The following RBM6 variants were observed in gnomAD, a reference collection of about 807,000 sequenced individuals.
The protein encoded by RBM6 is RNA binding motif protein 6.
Under a neutral mutation model 140.4 loss-of-function variants are expected in RBM6, and 23 were observed. The ratio of observed to expected loss-of-function variants is 0.16; its 90% CI spans 0.12 to 0.23. The LOEUF is 0.23. Among genes scored for constraint, RBM6 ranks in the 10% least tolerant of loss-of-function variants. The probability of loss-of-function intolerance (pLI) is 1.00; values close to 1 mark genes in which losing one functional copy is unlikely to be tolerated. For missense variants in RBM6, 1,139 were observed against 1,386.7 expected (o/e 0.82, Z 2.84); for synonymous variants, 439 against 475.6 (o/e 0.92, Z 1.00).
chr3:49,972,659 C>G (rs974263044), intron 4 of RBM6, among the ~76,000 whole-genome samples: 1 of 152,164 alleles, frequency 6.6e-6, no homozygotes, highest in African/African-American at 2.4e-5. Flanking sequence ...AATATAATCA[C>G]TCTAAATATT....
chr3:49,960,787 A>C (rs545488384), intron 1 of RBM6, among the ~76,000 whole-genome samples: 26 of 152,284 alleles, frequency 1.7e-4, no homozygotes, highest in African/African-American at 6.3e-4. Flanking sequence ...TGGGGTTGAT[A>C]CTACAGTGCT....
intron 16 of RBM6, 78 bp downstream of exon 16, chr3:50,065,204 G>C (rs1423544744): frequency 9.4e-7 from 1 of 1,062,538 alleles, no homozygotes; most frequent in Non-Finnish European, 1.4e-6. Context: ...CGCAAAGGCT[G>C]ATGCCTTCCT....
intron 6 of RBM6, among the ~76,000 whole-genome samples, chr3:50,040,730 C>T (rs2108856272): frequency 6.6e-6 from 1 of 150,914 alleles, no homozygotes; most frequent in South Asian, 2.1e-4. Flanking sequence ...GAGCTTGGCT[C>T]ACTGCAGCCT....
At chr3:49,982,564 G>A (rs908561014) in intron 5 of RBM6, among the ~76,000 whole-genome samples, 36 of 151,460 alleles carry the variant, frequency 2.4e-4, no homozygotes, top group Non-Finnish European at 4.6e-4. Context: ...ACAGGCACCC[G>A]CCACCACGCC....
intron 7 of RBM6, among the ~76,000 whole-genome samples, chr3:50,049,204 G>A (rs1236964122): frequency 6.6e-6 from 1 of 151,812 alleles, no homozygotes; most frequent in Non-Finnish European, 1.5e-5. Context: ...TGCCACCCGG[G>A]TTCAAACGAT....
intron 6 of RBM6, among the ~76,000 whole-genome samples, chr3:50,024,100 TAAAC>T (rs1467200870): frequency 6.6e-6 from 1 of 152,226 alleles, no homozygotes; most frequent in Non-Finnish European, 1.5e-5. Context: ...TAGTTTATCT[TAAAC>T]AACTTCTGTG....
At chr3:49,998,725 C>T (rs748735106) in intron 5 of RBM6, among the ~76,000 whole-genome samples, 2 of 152,206 alleles carry the variant, frequency 1.3e-5, no homozygotes, top group Non-Finnish European at 2.9e-5. Context: ...GTCTTTCTCC[C>T]AGCTTGCCCC....
At chr3:49,984,611 ACATCGCATCGCATCGCATCG>A (rs72219946) in intron 5 of RBM6, among the ~76,000 whole-genome samples, 45 of 86,154 alleles carry the variant, frequency 5.2e-4, no homozygotes, top group African/African-American at 1.8e-3. Flanking sequence ...ACATCACATC[ACATCGCATCGCATCGCATCG>A]CATCGCATCG....
In RBM6 at chr3:50,033,321, C is replaced by T. The variant is rs146690708; in HGVS notation, c.1558-14924C>T. On this transcript the variant is annotated intron_variant, in intron 6 of 20. Coordinates refer to ENST00000266022, the MANE Select transcript of RBM6 (RefSeq NM_005777.3). ...CGAAAAGAAAAAAAAGAAAAAGAGA[C>T]GGGGCCTCACATATGTACAGTGGTA... is the stretch of plus-strand genomic sequence containing the variant. Among the ~76,000 whole-genome samples the T allele has an allele frequency of 7.9e-5, 12 of 151,988 alleles. No individual in the cohort carries two copies. The East Asian group carries it at 1.4e-3, about 17-fold the overall frequency.
intron 6 of RBM6, among the ~76,000 whole-genome samples, chr3:50,010,506 G>A (rs894700913): frequency 6.6e-6 from 1 of 152,034 alleles, no homozygotes; most frequent in African/African-American, 2.4e-5. Context: ...CCAAGCTTGT[G>A]CATGTACTAA....
At chr3:49,985,898 G>A (rs1369776113) in intron 5 of RBM6, among the ~76,000 whole-genome samples, 2 of 152,096 alleles carry the variant, frequency 1.3e-5, no homozygotes, top group African/African-American at 4.8e-5. Context: ...GAGCCACCAT[G>A]CCTGGCCTTA....
intron 1 of RBM6, among the ~76,000 whole-genome samples, chr3:49,961,883 C>T (rs1202064495): frequency 4.6e-5 from 7 of 151,492 alleles, no homozygotes; most frequent in African/African-American, 7.3e-5. Flanking sequence ...CAGCTGGATG[C>T]GGTGGCTCAT....
chr3:49,980,970 T>C (rs1362389619), intron 5 of RBM6, among the ~76,000 whole-genome samples: 3 of 151,594 alleles, frequency 2.0e-5, no homozygotes, highest in East Asian at 2.0e-4. Flanking sequence ...TGGCGCGATA[T>C]CGGCTCACTG....
intron 19 of RBM6, 60 bp downstream of exon 19, chr3:50,070,612 CCTT>C: frequency 8.5e-7 from 1 of 1,183,152 alleles, no homozygotes; most frequent in South Asian, 1.2e-5. Context: ...ACCACCTCCT[CCTT>C]CAACTGTACT....
chr3:50,034,291 C>T (rs1005742597), intron 6 of RBM6, among the ~76,000 whole-genome samples: 1 of 151,846 alleles, frequency 6.6e-6, no homozygotes, highest in African/African-American at 2.4e-5. Context: ...GCCTAGACTT[C>T]TTAGTGTGGT....
chr3:49,956,973 T>A (rs1004857499), intron 1 of RBM6, among the ~76,000 whole-genome samples: 5 of 152,120 alleles, frequency 3.3e-5, no homozygotes, highest in East Asian at 3.9e-4. Flanking sequence ...CCTGCTTTTT[T>A]AATTTTTTAT....
intron 8 of RBM6, among the ~76,000 whole-genome samples, chr3:50,055,325 G>A (rs2089657869): frequency 6.6e-6 from 1 of 152,192 alleles, no homozygotes; most frequent in South Asian, 2.1e-4. Context: ...AGCTCCTTGG[G>A]AGGCTGAGAC....
intron 8 of RBM6, among the ~76,000 whole-genome samples, chr3:50,056,927 A>T (rs2089725953): frequency 6.6e-6 from 1 of 152,152 alleles, no homozygotes; most frequent in Non-Finnish European, 1.5e-5. Flanking sequence ...TCACTGGAGG[A>T]GGGCCTGTGG....
At chr3:50,009,579 C>T (rs2086747105) in intron 6 of RBM6, among the ~76,000 whole-genome samples, 1 of 152,090 alleles carries the variant, frequency 6.6e-6, no homozygotes, top group African/African-American at 2.4e-5. Flanking sequence ...TTTATTGAGA[C>T]AGGGTCTTGC....
Sources: allele counts gnomAD v4.1 joint callset (sites outside exome capture counted in the v4.1 genomes callset), GRCh38; gene constraint gnomAD v4.1.1; transcripts MANE v1.5; gene names NCBI Gene and HGNC (gene_info 2026-07-23, HGNC 2026-07-21).